CLSPN: variants seen among roughly 807,000 people sequenced by gnomAD.
CLSPN encodes the protein claspin homolog.
Under a neutral mutation model 156.3 loss-of-function variants are expected in CLSPN, and 85 were observed. The observed-to-expected ratio is 0.54, with a 90% CI of 0.46 to 0.65. The LOEUF is 0.65. Ranked by LOEUF, CLSPN falls within the 30% of genes least tolerant of loss-of-function variation. The pLI is 0.00. For missense variants in CLSPN, 1,407 were observed against 1,554.9 expected (o/e 0.90, Z 1.60); for synonymous variants, 534 against 542.4 (o/e 0.98, Z 0.22).
At position 35,760,869 on chromosome 1, in the gene CLSPN, G is replaced by C. The variant is rs1388021259; in HGVS notation, c.1052C>G (p.Ala351Gly). 1 of 1,613,888 alleles carries C rather than the reference G, an allele frequency of 6.2e-7. No individual in the cohort carries two copies. Among genetic ancestry groups the C allele is most frequent in the African/African-American group, 1.3e-5 (1 of 75,028 alleles). ...SSHHKEIIDT[A>G]NTTEMNSDHH... Reference sequence around the variant, plus strand: ...ATCACTGTTCATTTCAGTAGTATTTGCAGTGTCTATGATTTCTTTGTGATG... The same window carrying C: ...ATCACTGTTCATTTCAGTAGTATTTCCAGTGTCTATGATTTCTTTGTGATG... Residue 351 changes from alanine to glycine, a missense_variant, in exon 8 of 25, where the codon GCA becomes GGA. By Grantham distance (60) the Ala-to-Gly change is moderately conservative. Transcript: ENST00000318121.
At chr1:35,769,074 G>A (rs1571228241) in intron 1 of CLSPN, among the ~76,000 whole-genome samples, 1 of 152,170 alleles carries the variant, frequency 6.6e-6, no homozygotes, top group Non-Finnish European at 1.5e-5. Context: ...GTCGGATCTC[G>A]TCTTTGTTTA....
At chr1:35,720,823 G>T in exon 25 of CLSPN, 1 of 1,106,778 alleles carries the variant, frequency 9.0e-7, no homozygotes, top group Non-Finnish European at 1.4e-6. Context: ...GAGCCATAAA[G>T]TCATCAATTG....
At chr1:35,748,730 C>T (rs948676194) in intron 12 of CLSPN, 126 bp from the exon 13 acceptor site, 5 of 697,886 alleles carry the variant, frequency 7.2e-6, no homozygotes, top group Non-Finnish European at 1.2e-5. Flanking sequence ...TTATATGTTC[C>T]AAAACATTAA....
chr1:35,741,104 A>C (rs975661282), intron 18 of CLSPN, among the ~76,000 whole-genome samples: 4 of 152,342 alleles, frequency 2.6e-5, no homozygotes, highest in Admixed American at 1.3e-4. Flanking sequence ...TATTAGAATT[A>C]TCTTTATAAA....
Position 35,748,174 on chromosome 1 carries a change from T to C in CLSPN, c.2473-113A>G, listed in dbSNP as rs186217511. The C allele has an allele frequency of 2.2e-3, 2,722 of 1,237,836 alleles. 1 individual carries two copies. Among genetic ancestry groups the C allele is most frequent in the Non-Finnish European group, 2.8e-3 (2,475 of 885,170 alleles). 76.7% of individuals were successfully genotyped at this position (1,237,836 alleles called of 1,614,324 possible). A position where few individuals can be genotyped will look rare whatever the true frequency, so the allele number is the denominator to read the frequency against. ...TATTTAAGCTACTCTCAGGAAATTG[T>C]AGTTGAGGGGGACAATACACAGCCA... On this transcript the variant is annotated intron_variant, in intron 13 of 24. Coordinates refer to ENST00000318121, the MANE Select transcript of CLSPN (RefSeq NM_022111.4).
At position 35,740,488 on chromosome 1, in the gene CLSPN, G is replaced by C. The variant is rs182860204; in HGVS notation, c.3144-959C>G. 4.1e-4 allele frequency among the ~76,000 whole-genome samples: 61 copies of C among 150,372 alleles called. 1 individual carries two copies. In the East Asian group the frequency reaches 9.7e-3, roughly 24 times the overall value. On this transcript the variant is annotated intron_variant, in intron 18 of 24. Transcript: ENST00000318121. ...GGCTGGAGTGCAGAGATGCCATCTC[G>C]GCTCACTGCAACCTCCACCTCCTGG... is the stretch of plus-strand genomic sequence containing the variant.
rs1313129571 is a variant in CLSPN at position 35,769,830 on chromosome 1, C to T, written c.24+17G>A. On this transcript the variant is annotated intron_variant, in intron 1 of 24. Transcript: ENST00000318121. Reference sequence around the variant, plus strand: ...CGGCCTTCTAAGCCCCCGTGGGGGGCGTGTGCATAAACTCACCTCAGAACC... The same window carrying T: ...CGGCCTTCTAAGCCCCCGTGGGGGGTGTGTGCATAAACTCACCTCAGAACC... The T allele has an allele frequency of 1.3e-5, 20 of 1,593,484 alleles. No homozygotes were observed. Among genetic ancestry groups the T allele is most frequent in the Admixed American group, 1.7e-5 (1 of 58,240 alleles).
rs903616238 is a variant in CLSPN at position 35,735,834 on chromosome 1, C to T, written c.*662G>A. 2 of 985,198 alleles carry T rather than the reference C, an allele frequency of 2.0e-6. No individual in the cohort carries two copies. The highest frequency in any genetic ancestry group is 3.5e-5 in the African/African-American group (2 of 57,190). 61.0% of individuals were successfully genotyped at this position (985,198 alleles called of 1,614,324 possible). On this transcript the variant is annotated 3_prime_UTR_variant, in exon 25 of 25. Coordinates refer to ENST00000318121, the MANE Select transcript of CLSPN (RefSeq NM_022111.4). ...CTGTAATGTCACACTTTTCCCTACT[C>T]TTCCTCTTCCAACCACTTCTATCAA...
At position 35,742,822 on chromosome 1, in the gene CLSPN, C is replaced by T. The variant is rs556069535; in HGVS notation, c.3143+319G>A. On this transcript the variant is annotated intron_variant, in intron 18 of 24. Transcript: ENST00000318121. ...AATGCAGTGGTGCGATCTCGGCTCA[C>T]TGCAACCTCCACCTCCTGGGTGCAA... Among the ~76,000 whole-genome samples, 27 of 151,214 alleles carry T rather than the reference C, an allele frequency of 1.8e-4. 1 individual carries two copies. Among genetic ancestry groups the T allele is most frequent in the Admixed American group, 1.6e-3 (25 of 15,164 alleles).
chr1:35,769,960 G>A lies in CLSPN; in HGVS notation c.-90C>T, dbSNP rs1359380874. The A allele has an allele frequency of 9.3e-6, 14 of 1,505,428 alleles. No individual in the cohort carries two copies. The highest frequency in any genetic ancestry group is 2.3e-5 in the East Asian group (1 of 42,716). The allele number at this position is 1,505,428 out of a possible 1,614,324, so 93.3% of individuals were successfully genotyped here. A position where few individuals can be genotyped will look rare whatever the true frequency, so the allele number is the denominator to read the frequency against. On this transcript the variant is annotated 5_prime_UTR_variant, in exon 1 of 25. Coordinates refer to ENST00000318121, the MANE Select transcript of CLSPN (RefSeq NM_022111.4). ...AGCGGCTCCCGCCGTCTCCAGCCCA[G>A]CAGTGCTGTTCTTGCTTTCCCGCCC...
At chr1:35,769,642 G>A (rs1205554084) in intron 1 of CLSPN, among the ~76,000 whole-genome samples, 1 of 152,216 alleles carries the variant, frequency 6.6e-6, no homozygotes, top group Admixed American at 6.5e-5. Context: ...AGCCCGAAGC[G>A]CGGGAAGCCC....
chr1:35,749,832 CA>C (rs1642022060), intron 10 of CLSPN, 21 bp from the exon 11 acceptor site: 2 of 1,599,618 alleles, frequency 1.3e-6, no homozygotes, highest in Admixed American at 3.5e-5. Flanking sequence ...CAGGCCACCA[CA>C]AAACAAAAAA....
chr1:35,745,365 A>G, intron 16 of CLSPN, 86 bp downstream of exon 16: 1 of 884,556 alleles, frequency 1.1e-6, no homozygotes, highest in African/African-American at 1.7e-5. Context: ...ATTCTCAGAA[A>G]AGGTGCAAAG....
chr1:35,749,665 T>G lies in CLSPN; in HGVS notation c.2175A>C (p.Leu725Phe), dbSNP rs758270096. 1.7e-5 allele frequency: 27 copies of G among 1,614,112 alleles called. No individual in the cohort carries two copies. The South Asian group carries it at 2.6e-4, about 16-fold the overall frequency. The stretch of plus-strand genomic sequence containing the variant: ...TGGAAGAGCTGTCCTTAAACAGAAG[T>G]AAAGTAGAATCTGATGAGAGAGACT... Reference protein sequence around the residue: ...VPKSLSSDSTLLLFKDSSSKM... With the variant: ...VPKSLSSDSTFLLFKDSSSKM... The change falls in exon 11 of 25, where the codon TTA becomes TTC. Residue 725 changes from leucine (L) to phenylalanine (F), a missense_variant. Coordinates refer to ENST00000318121, the MANE Select transcript of CLSPN (RefSeq NM_022111.4).
At position 35,732,649 on chromosome 1, in the gene CLSPN, C is replaced by G; in HGVS notation, c.*3847G>C. 2 of 985,416 alleles carry G rather than the reference C, an allele frequency of 2.0e-6. No individual in the cohort carries two copies. The highest frequency in any genetic ancestry group is 2.4e-6 in the Non-Finnish European group (2 of 829,934). The allele number at this position is 985,416 out of a possible 1,614,324, so 61.0% of individuals were successfully genotyped here. ...CTGACACTGAGCCTACCCTATCTCC[C>G]ACACTCATGGGCTCTCATCCCTCCA... is the stretch of plus-strand genomic sequence containing the variant. On this transcript the variant is annotated 3_prime_UTR_variant, in exon 25 of 25. Coordinates refer to ENST00000318121, the MANE Select transcript of CLSPN (RefSeq NM_022111.4).
At chr1:35,762,853 T>C (rs1045215457) in intron 4 of CLSPN, among the ~76,000 whole-genome samples, 1 of 152,170 alleles carries the variant, frequency 6.6e-6, no homozygotes, top group Non-Finnish European at 1.5e-5. Flanking sequence ...TCTCAAAGGC[T>C]ATAGGATTGC....
rs1557511378 is a variant in CLSPN at position 35,748,566 on chromosome 1, T to C, written c.2311A>G (p.Ser771Gly). 1 of 1,614,182 alleles carries C rather than the reference T, an allele frequency of 6.2e-7. No individual in the cohort carries two copies. Among genetic ancestry groups the C allele is most frequent in the Non-Finnish European group, 8.5e-7 (1 of 1,180,014 alleles). ...ATCAGCTCAAAGCTGCTATTGTGGC[T>C]GCTCTCCTTTGTTAGCAATGAACAT... ...DSCSLLTKES[S>G]HNSSFELIGS... is the part of the protein sequence containing the mutation. The change falls in exon 13 of 25, where the codon AGC becomes GGC. Residue 771 changes from serine to glycine, a missense_variant. Ser to Gly is a moderately conservative substitution (Grantham distance 56). Around this residue, in one of 3 missense-constraint regions of CLSPN, gnomAD observed 1,096 missense variants for 1,193.0 expected, o/e 0.92. Coordinates refer to ENST00000318121, the MANE Select transcript of CLSPN (RefSeq NM_022111.4).
intron 9 of CLSPN, 84 bp from the exon 10 acceptor site, chr1:35,751,590 A>T: frequency 1.3e-6 from 2 of 1,493,850 alleles, no homozygotes; most frequent in Non-Finnish European, 1.8e-6. Flanking sequence ...TATTCTAGTC[A>T]CATCCCAAAA....
rs763367942 is a variant in CLSPN, at chr1:35,739,641, T to G, written c.3144-112A>C. 9.0e-5 allele frequency: 65 copies of G among 719,714 alleles called. 1 individual carries two copies. The highest frequency in any genetic ancestry group is 1.1e-4 in the Non-Finnish European group (51 of 466,580). 44.6% of individuals were successfully genotyped at this position (719,714 alleles called of 1,614,324 possible). On this transcript the variant is annotated intron_variant, in intron 18 of 24. Coordinates refer to ENST00000318121, the MANE Select transcript of CLSPN (RefSeq NM_022111.4). ...TCTAATAATAATAAACATAATACAT[T>G]TGATAATATTTAAATTTTTTTGTAA...
Sources: allele counts gnomAD v4.1 joint callset (sites outside exome capture counted in the v4.1 genomes callset), GRCh38; gene constraint gnomAD v4.1.1; regional missense constraint gnomAD v4.1.1; transcripts MANE v1.5; gene names NCBI Gene and HGNC (gene_info 2026-07-23, HGNC 2026-07-21).